Variants in ATP2C2 observed in about 807,000 individuals in gnomAD.
The protein encoded by ATP2C2 is ATPase secretory pathway Ca2+ transporting 2.
Under a neutral mutation model 110.8 loss-of-function variants are expected in ATP2C2, and 171 were observed. That is an observed-to-expected ratio of 1.54 (90% CI 1.36 to 1.75). ATP2C2 has a LOEUF of 1.75. Among genes scored for constraint, ATP2C2 ranks in the 40% most tolerant of loss-of-function variants. ATP2C2 has a pLI of 0.00. For synonymous variants in ATP2C2, 804 were observed against 508.4 expected (o/e 1.58, Z -7.82); for missense variants, 1,963 against 1,235.0 (o/e 1.59, Z -8.84).
At chr16:84,461,013 G>A (rs1911273223) in intron 24 of ATP2C2, 3 of 658,206 alleles carry the variant, frequency 4.6e-6, no homozygotes, top group Non-Finnish European at 7.3e-6. Flanking sequence ...TGTGTGCCTG[G>A]GAACTACAGA....
intron 1 of ATP2C2, among the ~76,000 whole-genome samples, chr16:84,377,598 C>T (rs768118770): frequency 2.0e-5 from 3 of 152,028 alleles, no homozygotes; most frequent in Non-Finnish European, 4.4e-5. Context: ...TTTACTTGGA[C>T]ACCAGTCGTA....
chr16:84,369,328 CAAAT>C (rs1264084943), intron 1 of ATP2C2, among the ~76,000 whole-genome samples: 4 of 152,218 alleles, frequency 2.6e-5, no homozygotes, highest in African/African-American at 9.6e-5. Context: ...GCAAAGCTGT[CAAAT>C]AAAGCCCCTC....
chr16:84,409,452 G>GA (rs899705893), intron 4 of ATP2C2, among the ~76,000 whole-genome samples: 9 of 150,644 alleles, frequency 6.0e-5, no homozygotes, highest in Admixed American at 2.0e-4. Flanking sequence ...AGTATAACAA[G>GA]AAAAAAAAAT....
At chr16:84,381,438 G>A (rs987278868) in intron 1 of ATP2C2, among the ~76,000 whole-genome samples, 5 of 152,058 alleles carry the variant, frequency 3.3e-5, no homozygotes, top group African/African-American at 1.2e-4. Context: ...TTAGCTGCTT[G>A]TGGTGACATG....
intron 17 of ATP2C2, 118 bp from the exon 18 acceptor site, chr16:84,451,803 A>G (rs1910291671): frequency 4.8e-6 from 5 of 1,033,560 alleles, no homozygotes; most frequent in Non-Finnish European, 7.1e-6. Context: ...ACACCACTGC[A>G]CTCCAACCTG....
At chr16:84,437,061 C>T (rs1021384539) in intron 11 of ATP2C2, among the ~76,000 whole-genome samples, 1 of 152,154 alleles carries the variant, frequency 6.6e-6, no homozygotes, top group African/African-American at 2.4e-5. Flanking sequence ...CACACCCGGC[C>T]TTTTTCTTTC....
chr16:84,419,372 C>A (rs543274643), intron 7 of ATP2C2, among the ~76,000 whole-genome samples: 1 of 152,174 alleles, frequency 6.6e-6, no homozygotes, highest in Non-Finnish European at 1.5e-5. Context: ...TGTTACATCT[C>A]CCTGACATCA....
intron 1 of ATP2C2, among the ~76,000 whole-genome samples, chr16:84,396,292 T>C (rs1904970058): frequency 6.6e-6 from 1 of 152,044 alleles, no homozygotes; most frequent in Admixed American, 6.6e-5. Context: ...ACGCCTGTAA[T>C]CTCAGCACTT....
intron 1 of ATP2C2, 97 bp from the exon 2 acceptor site, chr16:84,398,396 ACTCCAT>A (rs1438643822): frequency 3.4e-6 from 2 of 584,340 alleles, no homozygotes; most frequent in African/African-American, 4.0e-5. Flanking sequence ...ACAGAGTGAG[ACTCCAT>A]CTCAAAAAAA....
chr16:84,439,818 G>C (rs1307019621), intron 13 of ATP2C2, among the ~76,000 whole-genome samples: 1 of 152,124 alleles, frequency 6.6e-6, no homozygotes, highest in Non-Finnish European at 1.5e-5. Flanking sequence ...AACTAACCGT[G>C]ATTAGTCCAT....
chr16:84,425,072 G>T (rs1907689021), intron 10 of ATP2C2, among the ~76,000 whole-genome samples: 1 of 152,076 alleles, frequency 6.6e-6, no homozygotes, highest in Non-Finnish European at 1.5e-5. Context: ...TGTGGCAGCT[G>T]CCCCCCTCAA....
At chr16:84,371,835 C>T (rs1409002110) in intron 1 of ATP2C2, among the ~76,000 whole-genome samples, 1 of 152,142 alleles carries the variant, frequency 6.6e-6, no homozygotes, top group Non-Finnish European at 1.5e-5. Flanking sequence ...GAGGGGGCTC[C>T]CTCTGTGTGT....
chr16:84,446,512 G>A (rs1034548305), intron 16 of ATP2C2, 82 bp downstream of exon 16: 24 of 1,009,648 alleles, frequency 2.4e-5, no homozygotes, highest in Non-Finnish European at 3.5e-5. Context: ...AGACTTCAAG[G>A]ATAATTTGAA....
At position 84,461,769 on chromosome 16, in the gene ATP2C2, T is replaced by A; in HGVS notation, c.2537T>A (p.Phe846Tyr). Residue 846 changes from phenylalanine (F) to tyrosine (Y), a missense_variant, in exon 25 of 27, where the codon TTT becomes TAT. Phe to Tyr is a conservative substitution (Grantham distance 22). Transcript: ENST00000262429. ...PRTTTMTFTC[F>Y]VFFDLFNALT... ...ACCACGACGATGACGTTCACTTGTT[T>A]TGTGTTTTTCGATCTCTTCAACGCC... 1.2e-6 allele frequency: 2 copies of A among 1,614,196 alleles called. No homozygotes were observed. Among genetic ancestry groups the A allele is most frequent in the Non-Finnish European group, 1.7e-6 (2 of 1,180,020 alleles).
chr16:84,395,856 T>C, intron 1 of ATP2C2, among the ~76,000 whole-genome samples: 1 of 152,282 alleles, frequency 6.6e-6, no homozygotes, highest in South Asian at 2.1e-4. Context: ...TTCACCATTT[T>C]AACCATTTTT....
chr16:84,459,105 T>A lies in ATP2C2; in HGVS notation c.2148-15T>A, dbSNP rs751967822. ...CAGGCCCGCTCCGTGAGTAAATGGC[T>A]CTCTTCTCTTGCAGGAATGCAGTGG... On this transcript the variant is annotated splice_polypyrimidine_tract_variant and intron_variant, in intron 21 of 26. Transcript: ENST00000262429. 1.9e-6 allele frequency: 3 copies of A among 1,613,984 alleles called. No homozygotes were observed. The South Asian group carries it at 3.3e-5, about 18-fold the overall frequency.
chr16:84,446,839 C>G (rs1352826355), intron 16 of ATP2C2, among the ~76,000 whole-genome samples: 1 of 152,294 alleles, frequency 6.6e-6, no homozygotes, highest in South Asian at 2.1e-4. Flanking sequence ...GCTGCTAACA[C>G]CAGTCGCCAA....
At chr16:84,370,458 G>A (rs1909887150) in intron 1 of ATP2C2, among the ~76,000 whole-genome samples, 1 of 152,188 alleles carries the variant, frequency 6.6e-6, no homozygotes, top group East Asian at 1.9e-4. Flanking sequence ...TGCAAACCCA[G>A]GAAATGGCAA....
chr16:84,432,085 T>C (rs908480378), intron 11 of ATP2C2, among the ~76,000 whole-genome samples: 2 of 151,986 alleles, frequency 1.3e-5, no homozygotes, highest in Non-Finnish European at 2.9e-5. Context: ...CGGGGCTGGG[T>C]GGGGCCCGAG....
Sources: allele counts gnomAD v4.1 joint callset (sites outside exome capture counted in the v4.1 genomes callset), GRCh38; gene constraint gnomAD v4.1.1; transcripts MANE v1.5; gene names NCBI Gene and HGNC (gene_info 2026-07-23, HGNC 2026-07-21).